SYT16: variants seen among roughly 807,000 people sequenced by gnomAD.
The protein encoded by SYT16 is synaptotagmin-16.
Under a neutral mutation model 61.4 loss-of-function variants are expected in SYT16, and 42 were observed. That is an observed-to-expected ratio of 0.68 (90% confidence interval 0.53 to 0.89). The LOEUF (loss-of-function observed/expected upper bound fraction) is 0.89. SYT16 is among the 40% of genes least tolerant of loss of function. The pLI is 0.00. For missense variants in SYT16, 804 were observed against 807.3 expected (o/e 1.00, Z 0.05); for synonymous variants, 314 against 302.3 (o/e 1.04, Z -0.40).
intron 1 of SYT16, among the ~76,000 whole-genome samples, chr14:61,911,727 C>T (rs1046482056): frequency 5.3e-5 from 8 of 152,150 alleles, no homozygotes; most frequent in African/African-American, 1.4e-4. Flanking sequence ...GGAAGTGGGG[C>T]TCTCTGAGCT....
At chr14:61,942,752 A>G (rs1314792220) in intron 1 of SYT16, among the ~76,000 whole-genome samples, 10 of 152,062 alleles carry the variant, frequency 6.6e-5, no homozygotes, top group Non-Finnish European at 1.5e-5. Context: ...TTTCAGTTTT[A>G]TTTGTTTGTG....
intron 6 of SYT16, among the ~76,000 whole-genome samples, chr14:62,083,883 T>A (rs1318056729): frequency 6.6e-6 from 1 of 152,188 alleles, no homozygotes; most frequent in Non-Finnish European, 1.5e-5. Context: ...CTATATTGAA[T>A]GTATTATTAA....
At chr14:62,005,414 C>G (rs537635973) in intron 3 of SYT16, among the ~76,000 whole-genome samples, 1 of 152,196 alleles carries the variant, frequency 6.6e-6, no homozygotes, top group South Asian at 2.1e-4. Flanking sequence ...TTCCTTGAGT[C>G]CCAAGGTTCC....
At chr14:61,927,630 G>T (rs1456093369) in intron 1 of SYT16, among the ~76,000 whole-genome samples, 1 of 152,146 alleles carries the variant, frequency 6.6e-6, no homozygotes, top group African/African-American at 2.4e-5. Flanking sequence ...AAGGCAGAAG[G>T]TTGTAATAGC....
intron 1 of SYT16, among the ~76,000 whole-genome samples, chr14:61,880,221 C>T (rs950803788): frequency 6.6e-6 from 1 of 152,160 alleles, no homozygotes; most frequent in East Asian, 1.9e-4. Context: ...ATAAATAGTT[C>T]CCCCTAAAGT....
chr14:61,864,885 C>T (rs1231109357), intron 1 of SYT16: 15 of 1,228,066 alleles, frequency 1.2e-5, no homozygotes, highest in Non-Finnish European at 1.8e-5. Flanking sequence ...GAGACAGTGA[C>T]CAACTGCGCG....
chr14:61,932,037 T>G, intron 1 of SYT16, among the ~76,000 whole-genome samples: 1 of 152,206 alleles, frequency 6.6e-6, no homozygotes, highest in East Asian at 1.9e-4. Context: ...ACTAGAGAGC[T>G]TGACATCAAA....
chr14:61,931,339 C>G (rs529500754), intron 1 of SYT16, among the ~76,000 whole-genome samples: 38 of 152,132 alleles, frequency 2.5e-4, no homozygotes, highest in African/African-American at 8.7e-4. Flanking sequence ...AGGATGGAGC[C>G]AACATATATT....
intron 2 of SYT16, among the ~76,000 whole-genome samples, chr14:61,993,792 C>A (rs1959326): frequency 3.3e-5 from 5 of 151,972 alleles, no homozygotes; most frequent in African/African-American, 9.7e-5. Flanking sequence ...ATTTATCCAT[C>A]AACTTAACCA....
intron 7 of SYT16, among the ~76,000 whole-genome samples, chr14:62,092,822 A>G (rs2057136512): frequency 6.6e-6 from 1 of 152,012 alleles, no homozygotes; most frequent in South Asian, 2.1e-4. Flanking sequence ...ATTTTGTACA[A>G]CATTATGAAT....
chr14:62,048,485 G>T (rs1198361953), intron 3 of SYT16, among the ~76,000 whole-genome samples: 1 of 151,992 alleles, frequency 6.6e-6, no homozygotes, highest in African/African-American at 2.4e-5. Flanking sequence ...CTTCAGTTCT[G>T]CTCTGATCTT....
At chr14:61,920,061 C>T (rs1044141928) in intron 1 of SYT16, among the ~76,000 whole-genome samples, 4 of 152,126 alleles carry the variant, frequency 2.6e-5, no homozygotes, top group Admixed American at 1.3e-4. Flanking sequence ...TCCAGGCCCC[C>T]CGACATACAC....
At chr14:61,920,417 C>T (rs1395419122) in intron 1 of SYT16, among the ~76,000 whole-genome samples, 1 of 152,052 alleles carries the variant, frequency 6.6e-6, no homozygotes, top group African/African-American at 2.4e-5. Context: ...TAATGCTCTC[C>T]CTCCCCTTGT....
intron 3 of SYT16, among the ~76,000 whole-genome samples, chr14:62,061,282 T>C (rs569139873): frequency 3.3e-5 from 5 of 152,200 alleles, no homozygotes; most frequent in African/African-American, 7.2e-5. Context: ...AAATTAAAAT[T>C]GAATTCTAAG....
At chr14:61,880,268 A>G (rs963433618) in intron 1 of SYT16, among the ~76,000 whole-genome samples, 1 of 152,186 alleles carries the variant, frequency 6.6e-6, no homozygotes, top group African/African-American at 2.4e-5. Flanking sequence ...AGTCTTAATC[A>G]TGTAATAAAC....
chr14:61,978,846 A>G (rs998476406), intron 2 of SYT16, among the ~76,000 whole-genome samples: 2 of 152,214 alleles, frequency 1.3e-5, no homozygotes, highest in Non-Finnish European at 2.9e-5. Flanking sequence ...ACTGCCCCAT[A>G]TATATTGGGC....
chr14:62,034,344 C>G (rs1404570031), intron 3 of SYT16, among the ~76,000 whole-genome samples: 1 of 152,130 alleles, frequency 6.6e-6, no homozygotes, highest in Admixed American at 6.5e-5. Flanking sequence ...AGCAGTGCCA[C>G]TCCTAGGCAT....
At chr14:61,964,172 A>C (rs1283900116) in intron 1 of SYT16, among the ~76,000 whole-genome samples, 1 of 152,210 alleles carries the variant, frequency 6.6e-6, no homozygotes, top group African/African-American at 2.4e-5. Context: ...TTTCAAGCTC[A>C]TTATTTAAGA....
At chr14:62,077,862 A>C (rs936542131) in intron 5 of SYT16, among the ~76,000 whole-genome samples, 1 of 152,134 alleles carries the variant, frequency 6.6e-6, no homozygotes, top group Non-Finnish European at 1.5e-5. Flanking sequence ...GACAGTCAGG[A>C]GCTCTACCCA....
Sources: gnomAD v4.1 joint callset for allele counts (sites outside exome capture counted in the v4.1 genomes callset) on GRCh38, gnomAD v4.1.1 for gene constraint, MANE v1.5 for transcripts, NCBI Gene and HGNC (gene_info 2026-07-23, HGNC 2026-07-21) for gene names.